Variants in GSK3B observed in about 807,000 individuals in gnomAD.
GSK3B encodes the protein glycogen synthase kinase-3 beta.
In GSK3B, 15 loss-of-function variants were observed where a neutral mutation model predicts 56.4. That is an observed-to-expected ratio of 0.27 (90% CI 0.18 to 0.41). The LOEUF (loss-of-function observed/expected upper bound fraction) is 0.41. Ranked by LOEUF, GSK3B falls within the 10% of genes least tolerant of loss-of-function variation. The pLI is 1.00. For missense variants in GSK3B, 300 were observed against 513.4 expected (o/e 0.58, Z 4.02); for synonymous variants, 181 against 188.9 (o/e 0.96, Z 0.34).
intron 1 of GSK3B, among the ~76,000 whole-genome samples, chr3:120,019,947 T>C (rs920218935): frequency 1.3e-5 from 2 of 152,234 alleles, no homozygotes; most frequent in African/African-American, 2.4e-5. Flanking sequence ...TGGGAACCTA[T>C]TCGCATTTAC....
At chr3:119,952,561 G>A in intron 2 of GSK3B, among the ~76,000 whole-genome samples, 1 of 147,746 alleles carries the variant, frequency 6.8e-6, no homozygotes, top group Admixed American at 6.8e-5. Context: ...TAAACACAGG[G>A]ATCAACATCT....
At chr3:119,832,771 TAA>T (rs1403222370) in intron 10 of GSK3B, among the ~76,000 whole-genome samples, 2 of 152,206 alleles carry the variant, frequency 1.3e-5, no homozygotes, top group African/African-American at 2.4e-5. Context: ...CTGTGTGACA[TAA>T]GAGGTAAAAC....
At chr3:120,032,288 G>A (rs767409644) in intron 1 of GSK3B, among the ~76,000 whole-genome samples, 22 of 151,966 alleles carry the variant, frequency 1.4e-4, no homozygotes, top group African/African-American at 3.9e-4. Flanking sequence ...CAGCCTGGCC[G>A]ATATGGTGAA....
chr3:119,858,280 T>C (rs2056048725), intron 9 of GSK3B, among the ~76,000 whole-genome samples: 1 of 152,252 alleles, frequency 6.6e-6, no homozygotes, highest in African/African-American at 2.4e-5. Flanking sequence ...AGATGGCATC[T>C]TCTTCCAATA....
chr3:119,852,494 C>T (rs796152438), intron 9 of GSK3B, among the ~76,000 whole-genome samples: 9 of 152,040 alleles, frequency 5.9e-5, no homozygotes, highest in African/African-American at 2.2e-4. Context: ...ATTACAGGCA[C>T]CCACCACCAC....
At chr3:119,947,481 T>A in intron 2 of GSK3B, 130 bp from the exon 3 acceptor site, 1 of 643,268 alleles carries the variant, frequency 1.6e-6, no homozygotes, top group South Asian at 1.9e-5. Context: ...AAAAGTGTGA[T>A]CTGTAGACTG....
At chr3:120,011,860 T>C (rs1467132728) in intron 1 of GSK3B, among the ~76,000 whole-genome samples, 1 of 152,216 alleles carries the variant, frequency 6.6e-6, no homozygotes, top group Non-Finnish European at 1.5e-5. Context: ...TTAATACCTA[T>C]AATAGATTAA....
At position 119,960,151 on chromosome 3, in the gene GSK3B, C is replaced by CAAA. The variant is rs574956694; in HGVS notation, c.283-12803_283-12801dup. Reference sequence around the variant, plus strand: ...GCATCCCCAGAAACCTATGCTGAGACAAAAAAAAAAAAAAAAAAAAAAAGC... The same window carrying CAAA: ...GCATCCCCAGAAACCTATGCTGAGACAAAAAAAAAAAAAAAAAAAAAAAAAAGC... On this transcript the variant is annotated intron_variant, in intron 2 of 10. Transcript: ENST00000264235. Among the ~76,000 whole-genome samples, 243 of 74,568 alleles carry CAAA rather than the reference C, an allele frequency of 3.3e-3. 4 individuals carry two copies. Among genetic ancestry groups the CAAA allele is most frequent in the East Asian group, 6.5e-3 (14 of 2,140 alleles). 48.9% of individuals were successfully genotyped at this position (74,568 alleles called of 152,430 possible).
intron 3 of GSK3B, among the ~76,000 whole-genome samples, chr3:119,936,032 C>T (rs1001061282): frequency 1.3e-5 from 2 of 151,960 alleles, no homozygotes; most frequent in Admixed American, 1.3e-4. Context: ...ATCCAACACC[C>T]TTTCATAAAA....
intron 9 of GSK3B, among the ~76,000 whole-genome samples, chr3:119,855,574 C>T (rs1414592813): frequency 6.6e-6 from 1 of 152,156 alleles, no homozygotes; most frequent in South Asian, 2.1e-4. Flanking sequence ...GACTTGGAAC[C>T]AACCCAAATG....
chr3:119,892,439 G>A (rs141266655), intron 7 of GSK3B, among the ~76,000 whole-genome samples: 422 of 152,242 alleles, frequency 2.8e-3, no homozygotes, highest in African/African-American at 9.5e-3. Flanking sequence ...TCAATATTCA[G>A]CTCAATGGTT....
intron 1 of GSK3B, among the ~76,000 whole-genome samples, chr3:120,042,660 G>A (rs1031014715): frequency 6.6e-6 from 1 of 152,110 alleles, no homozygotes; most frequent in Non-Finnish European, 1.5e-5. Context: ...TAGTGCTCAA[G>A]TTCAGGCTAA....
chr3:119,941,995 G>A (rs2057053978), intron 3 of GSK3B, among the ~76,000 whole-genome samples: 1 of 152,168 alleles, frequency 6.6e-6, no homozygotes, highest in Admixed American at 6.5e-5. Context: ...ATTAAGCACA[G>A]CATTCTGCTC....
chr3:119,927,214 CA>C (rs1368763736), intron 3 of GSK3B, among the ~76,000 whole-genome samples: 4 of 152,100 alleles, frequency 2.6e-5, no homozygotes, highest in African/African-American at 7.2e-5. Flanking sequence ...TAAATATATA[CA>C]TTTTTATTTT....
intron 9 of GSK3B, among the ~76,000 whole-genome samples, chr3:119,850,221 G>A (rs900768718): frequency 2.4e-4 from 36 of 152,078 alleles, no homozygotes; most frequent in African/African-American, 7.2e-4. Flanking sequence ...CACGGAGTGC[G>A]GGTGAGGGTG....
intron 1 of GSK3B, among the ~76,000 whole-genome samples, chr3:120,036,792 CAAA>C (rs560163237): frequency 7.8e-5 from 5 of 64,332 alleles, no homozygotes; most frequent in African/African-American, 2.2e-4. Context: ...GACTCCGACT[CAAA>C]AAAAAAAAAA....
intron 3 of GSK3B, among the ~76,000 whole-genome samples, chr3:119,927,061 C>T (rs2056895386): frequency 6.6e-6 from 1 of 152,182 alleles, no homozygotes; most frequent in Non-Finnish European, 1.5e-5. Context: ...ACTGCTCTAT[C>T]TCCATGTAGA....
In GSK3B at chr3:119,876,204, A is replaced by G. The variant is rs45567135; in HGVS notation, c.909+209T>C. On this transcript the variant is annotated intron_variant, in intron 8 of 10. Coordinates refer to ENST00000264235, the MANE Select transcript of GSK3B (RefSeq NM_001146156.2). The stretch of plus-strand genomic sequence containing the variant: ...TACACTGCCCTTACCTTGCAAATAA[A>G]AAACCAGGCTAGAAACTATCTACAG... Among the ~76,000 whole-genome samples the G allele has an allele frequency of 0.036, 5,410 of 152,252 alleles. 169 individuals are homozygous for G. The highest frequency in any genetic ancestry group is 0.11 in the East Asian group (577 of 5,178).
intron 1 of GSK3B, among the ~76,000 whole-genome samples, chr3:120,005,906 G>C (rs1485702481): frequency 2.0e-5 from 3 of 152,074 alleles, no homozygotes; most frequent in Non-Finnish European, 2.9e-5. Flanking sequence ...ATAATGACAG[G>C]ATCAAATTCA....
Sources: allele counts gnomAD v4.1 joint callset (sites outside exome capture counted in the v4.1 genomes callset), GRCh38; gene constraint gnomAD v4.1.1; transcripts MANE v1.5; gene names NCBI Gene and HGNC (gene_info 2026-07-23, HGNC 2026-07-21).